ANKRD6: variants seen among roughly 807,000 people sequenced by gnomAD.
ANKRD6 encodes ankyrin repeat domain 6.
A neutral mutation model predicts 82.3 loss-of-function variants in ANKRD6; 56 were observed. The ratio of observed to expected loss-of-function variants is 0.68; its 90% CI spans 0.55 to 0.85. The LOEUF (loss-of-function observed/expected upper bound fraction) is 0.85. ANKRD6 is among the 40% of genes least tolerant of loss of function. The pLI, the probability that ANKRD6 is intolerant of heterozygous loss-of-function variation, is 0.00. For missense variants in ANKRD6, 852 were observed against 907.6 expected, an observed-to-expected ratio of 0.94 and a Z score of 0.79; for synonymous variants, 347 against 352.1, an observed-to-expected ratio of 0.99 and a Z score of 0.16.
chr6:89,598,363 G>C, intron 3 of ANKRD6: 1 of 985,190 alleles, frequency 1.0e-6, no homozygotes, highest in Non-Finnish European at 1.2e-6. Flanking sequence ...CATGAAAGAA[G>C]ACAAAAATAA....
chr6:89,630,339 T>C (rs1563178499), intron 15 of ANKRD6, 94 bp from the exon 16 acceptor site: 6 of 1,430,444 alleles, frequency 4.2e-6, no homozygotes, highest in Non-Finnish European at 4.7e-6. Context: ...GCTGGTGATA[T>C]ACAGGATCCT....
intron 1 of ANKRD6, among the ~76,000 whole-genome samples, chr6:89,511,119 C>A (rs1049778356): frequency 6.6e-6 from 1 of 152,198 alleles, no homozygotes; most frequent in Non-Finnish European, 1.5e-5. Flanking sequence ...CATTGCAAGG[C>A]TGAGGTCATG....
chr6:89,607,618 A>G (rs933948208), intron 5 of ANKRD6, among the ~76,000 whole-genome samples: 1 of 150,414 alleles, frequency 6.6e-6, no homozygotes, highest in Non-Finnish European at 1.5e-5. Flanking sequence ...ATTTTCCAGA[A>G]TGAACCCATT....
intron 1 of ANKRD6, among the ~76,000 whole-genome samples, chr6:89,489,340 C>G (rs907801299): frequency 2.0e-5 from 3 of 152,196 alleles, no homozygotes; most frequent in Non-Finnish European, 4.4e-5. Flanking sequence ...TGTCTCTGCT[C>G]TTGACAGAAC....
At chr6:89,517,939 A>G (rs1781422319) in intron 1 of ANKRD6, among the ~76,000 whole-genome samples, 1 of 152,192 alleles carries the variant, frequency 6.6e-6, no homozygotes, top group African/African-American at 2.4e-5. Context: ...AGCCCTTGAG[A>G]GCAAAGTCAA....
chr6:89,616,606 G>A lies in ANKRD6; in HGVS notation c.663G>A (p.Lys221=). 1 of 1,614,022 alleles carries A rather than the reference G, an allele frequency of 6.2e-7. No homozygotes were observed. The highest frequency in any genetic ancestry group is 1.3e-5 in the African/African-American group (1 of 75,058). The change falls in exon 8 of 16, where the codon AAG becomes AAA. Residue 221 remains lysine (K), a synonymous_variant. Transcript: ENST00000339746. ...LHVAAALNHK[K]VAKILLEAGA... is the part of the protein sequence containing the mutation. ...TTGCTGCTGCCCTAAATCACAAGAA[G>A]GTGGCCAAAATCTTACTGGAAGCCG...
chr6:89,516,409 G>A (rs558020332), intron 1 of ANKRD6, among the ~76,000 whole-genome samples: 3 of 152,278 alleles, frequency 2.0e-5, no homozygotes, highest in East Asian at 1.9e-4. Context: ...TACACCACTG[G>A]TTTTCCTGGG....
In ANKRD6 at chr6:89,461,466, C is replaced by G. The variant is rs567005128; in HGVS notation, c.-144+28091C>G. Among the ~76,000 whole-genome samples, 3 of 152,278 alleles carry G rather than the reference C, an allele frequency of 2.0e-5. No individual in the cohort carries two copies. The Middle Eastern group carries it at 0.01, about 518-fold the overall frequency. On this transcript the variant is annotated intron_variant, in intron 1 of 15. Coordinates refer to ENST00000339746, the MANE Select transcript of ANKRD6 (RefSeq NM_001242809.2). ...AAGTTATGTAGTTACCCAAGTGATA[C>G]AACAGTGAGAAGTAAGAGATTCATG...
intron 1 of ANKRD6, among the ~76,000 whole-genome samples, chr6:89,459,939 C>T (rs920386702): frequency 4.6e-5 from 7 of 151,984 alleles, no homozygotes; most frequent in African/African-American, 1.5e-4. Context: ...GTTTCTAGAA[C>T]CATGCTGCTA....
rs1395472131 is a variant in ANKRD6 at position 89,630,689 on chromosome 6, T to C, written c.1869T>C (p.Ser623=). Residue 623 remains serine, a synonymous_variant, in exon 16 of 16, where the codon TCT becomes TCC. Transcript: ENST00000339746. ...CVNRGTQTKK[S]GKSGPTRHRA... ...ACAGAGGCACTCAAACTAAGAAGTCTGGGAAGAGTGGGCCAACAAGGCATC... is the reference window on the plus strand; with the variant it reads ...ACAGAGGCACTCAAACTAAGAAGTCCGGGAAGAGTGGGCCAACAAGGCATC... The C allele has an allele frequency of 6.2e-7, 1 of 1,613,840 alleles. No individual in the cohort carries two copies. Among genetic ancestry groups the C allele is most frequent in the Admixed American group, 1.7e-5 (1 of 59,994 alleles).
chr6:89,435,763 T>G (rs911951605), intron 1 of ANKRD6, among the ~76,000 whole-genome samples: 1 of 152,242 alleles, frequency 6.6e-6, no homozygotes, highest in Non-Finnish European at 1.5e-5. Context: ...GCGTGCGTTT[T>G]AGAAGTTTTT....
intron 2 of ANKRD6, among the ~76,000 whole-genome samples, chr6:89,594,443 GACCCTGTCTCA>G (rs1259188385): frequency 1.5e-5 from 2 of 133,924 alleles, no homozygotes; most frequent in East Asian, 4.6e-4. Context: ...AGCAGAGTGA[GACCCTGTCTCA>G]AAGAAAAAAA....
In ANKRD6 at chr6:89,507,303, T is replaced by C. The variant is rs560272711; in HGVS notation, c.-143-59531T>C. On this transcript the variant is annotated intron_variant, in intron 1 of 15. Transcript: ENST00000339746. ...AAAAATATATTCTCAGTATTTGATA[T>C]GAACAGCAATTTTAGCATACTCTTC... Among the ~76,000 whole-genome samples the C allele has an allele frequency of 3.6e-4, 55 of 152,336 alleles. No individual in the cohort carries two copies. In the South Asian group the frequency reaches 0.011, roughly 31 times the overall value.
chr6:89,473,357 C>T (rs892081486), intron 1 of ANKRD6, among the ~76,000 whole-genome samples: 4 of 150,050 alleles, frequency 2.7e-5, no homozygotes, highest in East Asian at 3.9e-4. Flanking sequence ...GAGCCAAGAT[C>T]GCACCATTGC....
chr6:89,629,236 C>T lies in ANKRD6; in HGVS notation c.1610C>T (p.Thr537Ile). 1.2e-6 allele frequency: 2 copies of T among 1,613,804 alleles called. No homozygotes were observed. The highest frequency in any genetic ancestry group is 1.7e-6 in the Non-Finnish European group (2 of 1,179,822). The part of the protein sequence containing the change: ...KSTPSTCESS[T>I]GVDQLVVTAG... ...ACACCATCTACTTGTGAGTCCTCTA[C>T]AGGTAACCCACACACAGAGAGCCCT... Residue 537 changes from threonine to isoleucine, a missense_variant and splice_region_variant, in exon 15 of 16, where the codon ACA (threonine) becomes ATA (isoleucine). Coordinates refer to ENST00000339746, the MANE Select transcript of ANKRD6 (RefSeq NM_001242809.2).
intron 2 of ANKRD6, among the ~76,000 whole-genome samples, chr6:89,593,665 T>C (rs1490825788): frequency 1.3e-5 from 2 of 152,216 alleles, no homozygotes; most frequent in Non-Finnish European, 2.9e-5. Context: ...TTGAAATCAT[T>C]AATGTGTATC....
chr6:89,625,774 T>C (rs1054649298), intron 13 of ANKRD6, among the ~76,000 whole-genome samples: 1 of 151,484 alleles, frequency 6.6e-6, no homozygotes, highest in Admixed American at 6.6e-5. Context: ...GGTCTGACTC[T>C]GTCACCTAGA....
intron 9 of ANKRD6, among the ~76,000 whole-genome samples, chr6:89,620,757 C>A (rs1192900985): frequency 6.6e-6 from 1 of 152,124 alleles, no homozygotes; most frequent in Non-Finnish European, 1.5e-5. Context: ...GTTTTTCTTT[C>A]TTTTTCTTTT....
rs1031151230 is a variant in ANKRD6 at position 89,579,713 on chromosome 6, T to C, written c.120+12617T>C. On this transcript the variant is annotated intron_variant, in intron 2 of 15. Transcript: ENST00000339746. ...CGGAAGCTGCAGTAATCCAAGATAG[T>C]GCCACTGCACTCCAGCCTGGGCCAC... Among the ~76,000 whole-genome samples the C allele has an allele frequency of 2.5e-5, 3 of 121,222 alleles. No individual in the cohort carries two copies. The Admixed American group carries it at 3.6e-4, about 15-fold the overall frequency. The allele number at this position is 121,222 out of a possible 152,430, so 79.5% of individuals were successfully genotyped here.
Sources: allele counts gnomAD v4.1 joint callset (sites outside exome capture counted in the v4.1 genomes callset), GRCh38; gene constraint gnomAD v4.1.1; transcripts MANE v1.5; gene names NCBI Gene and HGNC (gene_info 2026-07-23, HGNC 2026-07-21).